Variants in RIMS2 observed in about 807,000 individuals in gnomAD.
The protein encoded by RIMS2 is regulating synaptic membrane exocytosis 2.
A neutral mutation model predicts 174.4 loss-of-function variants in RIMS2; 59 were observed. That is an observed-to-expected ratio of 0.34 (90% CI 0.27 to 0.42). RIMS2 has a LOEUF of 0.42. Among genes scored for constraint, RIMS2 ranks in the 10% least tolerant of loss-of-function variants. The pLI, the probability that RIMS2 is intolerant of heterozygous loss-of-function variation, is 1.00. For missense variants in RIMS2, 1,620 were observed against 1,666.3 expected (o/e 0.97, Z 0.48); for synonymous variants, 606 against 572.5 (o/e 1.06, Z -0.84).
At position 103,501,037 on chromosome 8, in the gene RIMS2, G is replaced by A. The variant is rs773910697; in HGVS notation, c.151G>A (p.Glu51Lys). ...CGTCATGGATAGGCAGAAGAAAGAA[G>A]AGGAGAAGGAGCAGTCCGTGCTCAA... is the stretch of plus-strand genomic sequence containing the variant. Residue 51 changes from glutamate (E) to lysine (K), a missense_variant, in exon 1 of 24, where the codon GAG (glutamate) becomes AAG (lysine). Transcript: ENST00000504942. 3.1e-6 allele frequency: 5 copies of A among 1,609,412 alleles called. No individual in the cohort carries two copies. In the Admixed American group the frequency reaches 5.0e-5, roughly 16 times the overall value.
intron 3 of RIMS2, among the ~76,000 whole-genome samples, chr8:103,834,978 C>T (rs115476209): frequency 0.12 from 18,808 of 151,716 alleles, 1,263 homozygotes; most frequent in Middle Eastern, 0.23. Context: ...GCCATGTTGT[C>T]CAGGCGGGTC....
intron 3 of RIMS2, among the ~76,000 whole-genome samples, chr8:103,792,705 A>T (rs12546142): frequency 1.1e-4 from 17 of 151,928 alleles, no homozygotes; most frequent in Admixed American, 1.1e-3. Flanking sequence ...AAAGAAGAAA[A>T]GAGAGAAGAA....
chr8:103,922,685 C>T (rs548374408), intron 10 of RIMS2: 5 of 366,272 alleles, frequency 1.4e-5, no homozygotes, highest in East Asian at 8.1e-5. Flanking sequence ...TATTTTAAGC[C>T]CAAAAAAGAT....
At chr8:103,936,430 G>T (rs2081265169) in intron 12 of RIMS2, 121 bp from the exon 15 acceptor site, 2 of 582,252 alleles carry the variant, frequency 3.4e-6, no homozygotes, top group Non-Finnish European at 5.8e-6. Context: ...CATTTGCAAT[G>T]TATGATAATT....
intron 3 of RIMS2, among the ~76,000 whole-genome samples, chr8:103,834,693 T>TTTCTTTCC (rs1403499659): frequency 3.1e-5 from 2 of 65,482 alleles, no homozygotes; most frequent in East Asian, 3.2e-3. Flanking sequence ...TCTTTCTTTC[T>TTTCTTTCC]TTCTTTCTTT....
At chr8:103,874,429 A>C (rs1390512381) in intron 3 of RIMS2, among the ~76,000 whole-genome samples, 2 of 152,080 alleles carry the variant, frequency 1.3e-5, no homozygotes, top group Non-Finnish European at 2.9e-5. Context: ...AATAGATGAC[A>C]GAAAGCCAAC....
At chr8:103,892,275 T>C (rs2099250857) in intron 4 of RIMS2, among the ~76,000 whole-genome samples, 1 of 151,762 alleles carries the variant, frequency 6.6e-6, no homozygotes, top group Admixed American at 6.6e-5. Context: ...TAATCATAGC[T>C]CACTGCAGTC....
chr8:104,251,731 C>A (rs1468860237), exon 24 of RIMS2: 8 of 1,611,858 alleles, frequency 5.0e-6, no homozygotes, highest in Non-Finnish European at 6.8e-6. Context: ...ACCTTCCTCC[C>A]TAGTAGATCC....
At chr8:103,724,753 G>A (rs930114151) in intron 2 of RIMS2, among the ~76,000 whole-genome samples, 1 of 152,002 alleles carries the variant, frequency 6.6e-6, no homozygotes, top group African/African-American at 2.4e-5. Context: ...ATCCACTAAT[G>A]TTCACAGCCA....
At chr8:103,890,922 T>G (rs2099240944) in intron 4 of RIMS2, among the ~76,000 whole-genome samples, 1 of 152,084 alleles carries the variant, frequency 6.6e-6, no homozygotes, top group Non-Finnish European at 1.5e-5. Context: ...GGATAATTGT[T>G]GTGTTGCACT....
intron 7 of RIMS2, 32 bp from the exon 11 acceptor site, chr8:103,916,382 T>C: frequency 6.5e-7 from 1 of 1,543,898 alleles, no homozygotes. Context: ...AAATTTTCTG[T>C]ATAAGATTAT....
At chr8:104,061,021 T>C (rs996034678) in intron 19 of RIMS2, among the ~76,000 whole-genome samples, 20 of 152,314 alleles carry the variant, frequency 1.3e-4, no homozygotes, top group African/African-American at 4.6e-4. Context: ...AGGTGCAGTG[T>C]GGTGCTGAAA....
chr8:103,990,235 T>C (rs1332501991), intron 17 of RIMS2, among the ~76,000 whole-genome samples: 1 of 152,068 alleles, frequency 6.6e-6, no homozygotes, highest in Admixed American at 6.6e-5. Flanking sequence ...TAAGCTGATA[T>C]GAGAAATTAC....
At chr8:104,189,675 C>A in intron 19 of RIMS2, among the ~76,000 whole-genome samples, 1 of 149,942 alleles carries the variant, frequency 6.7e-6, no homozygotes, top group South Asian at 2.1e-4. Flanking sequence ...TATAGTCTCT[C>A]TATATATACG....
chr8:103,878,726 TA>T (rs2099153679), intron 3 of RIMS2, among the ~76,000 whole-genome samples: 1 of 151,624 alleles, frequency 6.6e-6, no homozygotes. Context: ...AAAATTTTTT[TA>T]TTGCTGATTC....
intron 14 of RIMS2, among the ~76,000 whole-genome samples, chr8:103,960,278 G>A (rs1361465382): frequency 6.6e-6 from 1 of 152,150 alleles, no homozygotes; most frequent in African/African-American, 2.4e-5. Flanking sequence ...GATTCAATTT[G>A]ATGCTATTTT....
chr8:103,613,151 G>A (rs1019186796), intron 1 of RIMS2, among the ~76,000 whole-genome samples: 30 of 152,186 alleles, frequency 2.0e-4, no homozygotes, highest in African/African-American at 6.3e-4. Flanking sequence ...CCAGGCCCTG[G>A]TTGAGTCCAG....
chr8:104,187,859 A>T (rs1278841847), intron 19 of RIMS2, among the ~76,000 whole-genome samples: 2 of 151,734 alleles, frequency 1.3e-5, no homozygotes, highest in Non-Finnish European at 3.0e-5. Flanking sequence ...TTAACAGTGG[A>T]TACTTTTCAA....
At chr8:103,662,045 A>G (rs1455383249) in intron 1 of RIMS2, among the ~76,000 whole-genome samples, 1 of 152,220 alleles carries the variant, frequency 6.6e-6, no homozygotes, top group African/African-American at 2.4e-5. Flanking sequence ...AGAAGAATTA[A>G]TTGTCTTCGG....
Sources: gnomAD v4.1 joint callset for allele counts (sites outside exome capture counted in the v4.1 genomes callset) on GRCh38, gnomAD v4.1.1 for gene constraint, MANE v1.5 for transcripts, NCBI Gene and HGNC (gene_info 2026-07-23, HGNC 2026-07-21) for gene names.